Variants in CGRRF1 observed in about 807,000 individuals in gnomAD.
The protein encoded by CGRRF1 is cell growth regulator with RING finger domain protein 1.
A neutral mutation model predicts 37.2 loss-of-function variants in CGRRF1; 32 were observed. That is an observed-to-expected ratio of 0.86 (90% CI 0.65 to 1.16). The LOEUF is 1.16. Ranked by LOEUF, CGRRF1 falls within the 50% of genes most tolerant of loss-of-function variation. The pLI is 0.00. For missense variants in CGRRF1, 391 were observed against 382.6 expected (o/e 1.02, Z -0.18); for synonymous variants, 141 against 140.3 (o/e 1.00, Z -0.04).
chr14:54,522,820 A>T (rs1468898977), intron 2 of CGRRF1, among the ~76,000 whole-genome samples: 2 of 152,246 alleles, frequency 1.3e-5, no homozygotes, highest in South Asian at 4.1e-4. Flanking sequence ...AGATGTGTAT[A>T]CAAAGGAGTA....
intron 1 of CGRRF1, among the ~76,000 whole-genome samples, chr14:54,519,784 G>A (rs1264888637): frequency 1.3e-5 from 2 of 152,268 alleles, no homozygotes; most frequent in African/African-American, 2.4e-5. Flanking sequence ...ATCCATAAAG[G>A]TATTTGTTCC....
chr14:54,531,026 G>A lies in CGRRF1; in HGVS notation c.546G>A (p.Glu182=). 1 of 1,609,934 alleles carries A rather than the reference G, an allele frequency of 6.2e-7. No homozygotes were observed. The highest frequency in any genetic ancestry group is 8.5e-7 in the Non-Finnish European group (1 of 1,178,540). ...TAGCGCTATTGACCTTAGCTGATGA[G>A]GATGACCGGGAAATTTATGATATTG... ...PLVALLTLAD[E]DDREIYDIIS... The change falls in exon 4 of 6, where the codon GAG becomes GAA. Residue 182 remains glutamate, a synonymous_variant. Coordinates refer to ENST00000216420, the MANE Select transcript of CGRRF1 (RefSeq NM_006568.3).
chr14:54,528,440 A>G (rs1320130814), intron 2 of CGRRF1, among the ~76,000 whole-genome samples: 1 of 152,076 alleles, frequency 6.6e-6, no homozygotes, highest in Non-Finnish European at 1.5e-5. Flanking sequence ...AGCCTTATAC[A>G]TATATCTTTT....
chr14:54,527,891 C>T (rs1400285985), intron 2 of CGRRF1, among the ~76,000 whole-genome samples: 3 of 152,070 alleles, frequency 2.0e-5, no homozygotes, highest in Non-Finnish European at 4.4e-5. Flanking sequence ...CGGGTGCGTG[C>T]CACCATGCCC....
intron 1 of CGRRF1, among the ~76,000 whole-genome samples, chr14:54,515,385 C>T (rs1347085973): frequency 6.6e-6 from 1 of 151,964 alleles, no homozygotes; most frequent in Non-Finnish European, 1.5e-5. Context: ...AGTCACCGCG[C>T]CCGGCCGGGT....
At chr14:54,515,090 GTT>G (rs935043483) in intron 1 of CGRRF1, among the ~76,000 whole-genome samples, 1 of 124,168 alleles carries the variant, frequency 8.1e-6, no homozygotes. Flanking sequence ...TGAGTTTTTT[GTT>G]TTTTTTTTTT....
chr14:54,520,572 C>G (rs1331099379), intron 1 of CGRRF1, among the ~76,000 whole-genome samples: 1 of 152,230 alleles, frequency 6.6e-6, no homozygotes, highest in African/African-American at 2.4e-5. Context: ...TCCTGTACTT[C>G]CGGAAGCAAC....
At chr14:54,528,097 CA>C (rs1412858529) in intron 2 of CGRRF1, among the ~76,000 whole-genome samples, 5 of 151,864 alleles carry the variant, frequency 3.3e-5, no homozygotes, top group East Asian at 1.9e-4. Context: ...GTGAGATAAA[CA>C]GTAGCATATA....
intron 2 of CGRRF1, among the ~76,000 whole-genome samples, chr14:54,523,542 CTTT>C (rs1225591124): frequency 2.9e-5 from 4 of 136,376 alleles, no homozygotes; most frequent in Non-Finnish European, 6.2e-5. Flanking sequence ...TTCCTTCCTC[CTTT>C]TTTTTTTTTG....
Position 54,510,095 on chromosome 14 carries a change from C to T in CGRRF1, c.104+32C>T, listed in dbSNP as rs376645870. The stretch of plus-strand genomic sequence containing the variant: ...GTCCCAGGGGTGAGAGACGAAGGGG[C>T]GGATACCGCCAGAGTGGGGTCGCGA... On this transcript the variant is annotated intron_variant, in intron 1 of 5. Transcript: ENST00000216420. 205 of 1,511,604 alleles carry T rather than the reference C, an allele frequency of 1.4e-4. No individual in the cohort carries two copies. The African/African-American group carries it at 1.6e-3, about 12-fold the overall frequency. 93.6% of individuals were successfully genotyped at this position (1,511,604 alleles called of 1,614,324 possible).
At position 54,537,771 on chromosome 14, in the gene CGRRF1, C is replaced by A. The variant is rs370150557; in HGVS notation, c.620C>A (p.Ser207Tyr). Residue 207 changes from serine (S) to tyrosine (Y), a missense_variant, in exon 5 of 6, where the codon TCC becomes TAC. Ser to Tyr is a moderately radical substitution (Grantham distance 144). Coordinates refer to ENST00000216420, the MANE Select transcript of CGRRF1 (RefSeq NM_006568.3). ...ATTCCTGATAGGACTTATAAACTAT[C>A]CTGCAGAATATTGTATCAATATTTA... ...IHIPDRTYKLSCRILYQYLLL... is the reference protein window; with the variant it reads ...IHIPDRTYKLYCRILYQYLLL... The A allele has an allele frequency of 1.3e-6, 2 of 1,599,000 alleles. No homozygotes were observed. Among genetic ancestry groups the A allele is most frequent in the Non-Finnish European group, 1.7e-6 (2 of 1,175,984 alleles).
Position 54,538,169 on chromosome 14 carries a change from G to T in CGRRF1, c.785G>T (p.Ser262Ile), listed in dbSNP as rs1177518682. 2 of 1,614,106 alleles carry T rather than the reference G, an allele frequency of 1.2e-6. No individual in the cohort carries two copies. Among genetic ancestry groups the T allele is most frequent in the Non-Finnish European group, 1.7e-6 (2 of 1,180,048 alleles). The change falls in exon 6 of 6, where the codon AGT (serine) becomes ATT (isoleucine). Residue 262 changes from serine (S) to isoleucine (I), a missense_variant. Physicochemically the swap from Ser to Ile is moderately radical, Grantham distance 142. Transcript: ENST00000216420. ...SLLEKVGLSE[S>I]EVEPSEENSK... ...TTGGAAAAGGTGGGACTCTCTGAAA[G>T]TGAAGTTGAGCCATCGGAAGAGAAC...
intron 1 of CGRRF1, among the ~76,000 whole-genome samples, chr14:54,521,058 C>A (rs973145807): frequency 1.3e-5 from 2 of 152,138 alleles, no homozygotes; most frequent in Non-Finnish European, 2.9e-5. Flanking sequence ...TAGCCCCTTT[C>A]ATTTTCCTTT....
chr14:54,518,338 G>C (rs945716946), intron 1 of CGRRF1, among the ~76,000 whole-genome samples: 1 of 152,058 alleles, frequency 6.6e-6, no homozygotes, highest in African/African-American at 2.4e-5. Flanking sequence ...CTGAGGTCGG[G>C]AGCTTGAGAC....
intron 4 of CGRRF1, among the ~76,000 whole-genome samples, chr14:54,533,796 G>A (rs941847638): frequency 2.6e-5 from 4 of 151,562 alleles, no homozygotes; most frequent in African/African-American, 9.7e-5. Context: ...AATTACATTG[G>A]CTTTTTTTCA....
chr14:54,519,095 A>G (rs554835866), intron 1 of CGRRF1, among the ~76,000 whole-genome samples: 2 of 152,202 alleles, frequency 1.3e-5, no homozygotes, highest in East Asian at 1.9e-4. Context: ...GGCATGCACC[A>G]CCATGCCCAG....
At chr14:54,524,072 T>C (rs2032367067) in intron 2 of CGRRF1, among the ~76,000 whole-genome samples, 1 of 152,162 alleles carries the variant, frequency 6.6e-6, no homozygotes, top group Admixed American at 6.5e-5. Flanking sequence ...AGTCTGACTT[T>C]TCCCTGTATC....
intron 4 of CGRRF1, among the ~76,000 whole-genome samples, chr14:54,535,393 A>ACACACACACACACACACACACC (rs1252336754): frequency 1.3e-5 from 2 of 150,838 alleles, no homozygotes; most frequent in African/African-American, 4.9e-5. Context: ...ACACACACAC[A>ACACACACACACACACACACACC]CTTTTTGTAA....
intron 2 of CGRRF1, among the ~76,000 whole-genome samples, chr14:54,525,956 C>T (rs1486362890): frequency 3.3e-5 from 5 of 151,858 alleles, no homozygotes; most frequent in African/African-American, 7.2e-5. Context: ...ATTAGCTGGG[C>T]GTGGTGGCAC....
Sources: gnomAD v4.1 joint callset for allele counts (sites outside exome capture counted in the v4.1 genomes callset) on GRCh38, gnomAD v4.1.1 for gene constraint, MANE v1.5 for transcripts, NCBI Gene and HGNC (gene_info 2026-07-23, HGNC 2026-07-21) for gene names.